Variants in GRK4 observed in about 807,000 individuals in gnomAD.
GRK4 encodes the protein G protein-coupled receptor kinase 2-like.
Under a neutral mutation model 77.9 loss-of-function variants are expected in GRK4, and 73 were observed. The observed-to-expected ratio is 0.94, with a 90% CI of 0.78 to 1.14. GRK4 has a LOEUF of 1.14. Among genes scored for constraint, GRK4 ranks in the 50% most tolerant of loss-of-function variants. The pLI is 0.00. For synonymous variants in GRK4, 257 were observed against 254.4 expected, an observed-to-expected ratio of 1.01 and a Z score of -0.10; for missense variants, 729 against 700.2, an observed-to-expected ratio of 1.04 and a Z score of -0.46.
chr4:3,038,328 C>T (rs1377124963), intron 14 of GRK4, 48 bp from the exon 15 acceptor site: 2 of 1,610,066 alleles, frequency 1.2e-6, no homozygotes, highest in Admixed American at 1.7e-5. Flanking sequence ...ACCCACTGAC[C>T]TGGCAGTTTC....
chr4:3,007,097 G>A (rs1476704478), intron 5 of GRK4, among the ~76,000 whole-genome samples: 1 of 152,052 alleles, frequency 6.6e-6, no homozygotes, highest in African/African-American at 2.4e-5. Context: ...AGTGCTTTGG[G>A]AGGCTGAGAT....
At chr4:3,037,583 C>CTG (rs113383212) in intron 14 of GRK4, 72 bp downstream of exon 14, 90,026 of 1,343,080 alleles carry the variant, frequency 0.067, 3,923 homozygotes, top group African/African-American at 0.22. Context: ...GTGTGTGTGT[C>CTG]CGTGTGTGTG....
chr4:3,005,839 G>C (rs1340220417), intron 5 of GRK4, among the ~76,000 whole-genome samples: 1 of 151,826 alleles, frequency 6.6e-6, no homozygotes, highest in Non-Finnish European at 1.5e-5. Flanking sequence ...TAAAAAACAA[G>C]GCTTTCTCTC....
intron 1 of GRK4, among the ~76,000 whole-genome samples, chr4:2,977,451 A>G (rs1187547036): frequency 6.6e-6 from 1 of 152,200 alleles, no homozygotes; most frequent in Non-Finnish European, 1.5e-5. Context: ...TATTAGGTTA[A>G]TATTTCCCTC....
At chr4:3,037,577 GTGTGTCCGTGTGTGTGTGTGTGTC>G in intron 14 of GRK4, 66 bp downstream of exon 14, 1 of 1,512,898 alleles carries the variant, frequency 6.6e-7, no homozygotes. Flanking sequence ...AAGGGTGTGT[GTGTGTCCGTGTGTGTGTGTGTGTC>G]TGTGTGTATT....
intron 10 of GRK4, among the ~76,000 whole-genome samples, chr4:3,026,223 C>G (rs970342495): frequency 3.3e-5 from 5 of 152,354 alleles, no homozygotes; most frequent in Non-Finnish European, 1.5e-5. Flanking sequence ...TTCCCACCAG[C>G]AGTGCACGAG....
chr4:2,966,600 C>T (rs1034235937), intron 1 of GRK4: 3 of 152,068 alleles, frequency 2.0e-5, no homozygotes, highest in Non-Finnish European at 2.9e-5. Flanking sequence ...TACATGGATA[C>T]ATGCTGAGTA....
At chr4:3,008,819 G>A (rs2109867835) in intron 6 of GRK4, among the ~76,000 whole-genome samples, 1 of 150,030 alleles carries the variant, frequency 6.7e-6, no homozygotes, top group African/African-American at 2.5e-5. Flanking sequence ...AAAAAAAAAA[G>A]TGTTAGCTGC....
At chr4:2,965,048 A>C (rs2109345478) in intron 1 of GRK4, among the ~76,000 whole-genome samples, 1 of 152,320 alleles carries the variant, frequency 6.6e-6, no homozygotes, top group African/African-American at 2.4e-5. Context: ...AGTTATGCCA[A>C]GTCATCAGTT....
intron 1 of GRK4, among the ~76,000 whole-genome samples, chr4:2,968,338 T>C (rs953920936): frequency 6.6e-5 from 10 of 152,204 alleles, no homozygotes; most frequent in Admixed American, 1.3e-4. Context: ...TGCGGTGTTA[T>C]TGAGCAGTTT....
intron 4 of GRK4, among the ~76,000 whole-genome samples, chr4:2,995,300 T>C (rs1054187998): frequency 5.9e-5 from 9 of 152,056 alleles, no homozygotes; most frequent in Admixed American, 2.6e-4. Flanking sequence ...GGCTCACAGT[T>C]TTAGAGGCTA....
chr4:2,987,858 C>A (rs1724862047), intron 2 of GRK4, among the ~76,000 whole-genome samples: 1 of 151,900 alleles, frequency 6.6e-6, no homozygotes, highest in African/African-American at 2.4e-5. Flanking sequence ...GGTGGATCAT[C>A]TGAGGTCAGG....
At chr4:3,010,406 T>C (rs1181878305) in intron 7 of GRK4, among the ~76,000 whole-genome samples, 1 of 152,100 alleles carries the variant, frequency 6.6e-6, no homozygotes, top group Non-Finnish European at 1.5e-5. Flanking sequence ...TTCGTATTTT[T>C]AGTAGAGAGG....
At chr4:3,003,822 C>T (rs564273508) in intron 4 of GRK4, among the ~76,000 whole-genome samples, 3 of 152,096 alleles carry the variant, frequency 2.0e-5, no homozygotes, top group East Asian at 1.9e-4. Flanking sequence ...CTGCAACCTC[C>T]GCCTCCCAGG....
chr4:2,988,097 A>AAAAAAAAAAAAAAAAAAAAAAAAT (rs1724961852), intron 2 of GRK4, among the ~76,000 whole-genome samples: 1 of 149,540 alleles, frequency 6.7e-6, no homozygotes, highest in Non-Finnish European at 1.5e-5. Context: ...AAAAAAAAAA[A>AAAAAAAAAAAAAAAAAAAAAAAAT]AAGAAGTAGA....
chr4:3,025,771 G>A (rs1049406997), intron 10 of GRK4, among the ~76,000 whole-genome samples: 6 of 152,060 alleles, frequency 3.9e-5, no homozygotes, highest in African/African-American at 1.5e-4. Flanking sequence ...AGAGTGTATC[G>A]TAAGATGTCT....
intron 6 of GRK4, among the ~76,000 whole-genome samples, chr4:3,008,270 G>A (rs915446013): frequency 6.6e-6 from 1 of 152,176 alleles, no homozygotes; most frequent in Non-Finnish European, 1.5e-5. Context: ...ACTTAGCTTA[G>A]ATTTTTAGTG....
chr4:2,990,413 C>T (rs1725796971), intron 3 of GRK4, among the ~76,000 whole-genome samples: 1 of 152,072 alleles, frequency 6.6e-6, no homozygotes, highest in Non-Finnish European at 1.5e-5. Context: ...TGTGCCACCA[C>T]ACCCAACTAA....
intron 2 of GRK4, among the ~76,000 whole-genome samples, chr4:2,987,915 A>C (rs1724871439): frequency 6.6e-6 from 1 of 151,876 alleles, no homozygotes; most frequent in South Asian, 2.1e-4. Context: ...ATCTCTACTA[A>C]AAATACAAAA....
Sources: allele counts gnomAD v4.1 joint callset (sites outside exome capture counted in the v4.1 genomes callset), GRCh38; gene constraint gnomAD v4.1.1; transcripts MANE v1.5; gene names NCBI Gene and HGNC (gene_info 2026-07-23, HGNC 2026-07-21).